Variants in TRAK1 observed in about 807,000 individuals in gnomAD.
TRAK1 encodes trafficking kinesin protein 1.
TRAK1 carries 33 observed loss-of-function variants against 92.1 expected under a neutral mutation model. The ratio of observed to expected loss-of-function variants is 0.36; its 90% CI spans 0.27 to 0.48. TRAK1 has a LOEUF of 0.48. Ranked by LOEUF, TRAK1 falls within the 20% of genes least tolerant of loss-of-function variation. The pLI is 0.99. For synonymous variants in TRAK1, 521 were observed against 517.3 expected (o/e 1.01, Z -0.10); for missense variants, 1,123 against 1,257.9 (o/e 0.89, Z 1.62).
At chr3:42,040,430 A>G (rs190459163) in intron 1 of TRAK1, among the ~76,000 whole-genome samples, 44 of 152,298 alleles carry the variant, frequency 2.9e-4, no homozygotes, top group Non-Finnish European at 5.3e-4. Flanking sequence ...GGTTTGTGAT[A>G]CATTTTGAGT....
intron 2 of TRAK1, chr3:42,146,258 C>A: frequency 3.3e-6 from 1 of 303,010 alleles, no homozygotes; most frequent in Non-Finnish European, 6.8e-6. Flanking sequence ...TGATGAAAAG[C>A]AATATTGCCG....
chr3:42,054,347 C>T (rs1158072205), intron 1 of TRAK1, among the ~76,000 whole-genome samples: 1 of 152,168 alleles, frequency 6.6e-6, no homozygotes. Context: ...GTGCCCCAGC[C>T]TGGTAGGCAG....
chr3:42,175,177 T>C (rs931613994), intron 2 of TRAK1, among the ~76,000 whole-genome samples: 2 of 152,072 alleles, frequency 1.3e-5, no homozygotes, highest in Non-Finnish European at 2.9e-5. Context: ...CAGAGACCAC[T>C]TAGTTGCTGT....
chr3:42,064,788 C>T (rs1272405840), intron 1 of TRAK1, among the ~76,000 whole-genome samples: 1 of 151,936 alleles, frequency 6.6e-6, no homozygotes, highest in African/African-American at 2.4e-5. Context: ...CATGGTGGCT[C>T]ACACCTGTAA....
chr3:42,169,175 C>G (rs1030951036), intron 2 of TRAK1, among the ~76,000 whole-genome samples: 1 of 150,454 alleles, frequency 6.6e-6, no homozygotes, highest in Admixed American at 6.6e-5. Context: ...CTATCTATCT[C>G]TATAATTTTC....
chr3:42,120,213 G>C (rs995879465), intron 1 of TRAK1, among the ~76,000 whole-genome samples: 1 of 152,136 alleles, frequency 6.6e-6, no homozygotes, highest in African/African-American at 2.4e-5. Context: ...CAGGCTGGGG[G>C]TTGGTGGGAT....
chr3:42,130,674 T>G (rs1324564179), intron 2 of TRAK1, among the ~76,000 whole-genome samples: 2 of 152,106 alleles, frequency 1.3e-5, no homozygotes, highest in Non-Finnish European at 2.9e-5. Context: ...TTCGGTGCCA[T>G]CCTACCCTGA....
chr3:42,119,779 G>A (rs747389676), intron 1 of TRAK1, among the ~76,000 whole-genome samples: 1 of 152,176 alleles, frequency 6.6e-6, no homozygotes, highest in African/African-American at 2.4e-5. Flanking sequence ...GTTTTTAGCT[G>A]GTTGGCCGTG....
At chr3:42,105,696 C>T (rs763772585) in intron 1 of TRAK1, among the ~76,000 whole-genome samples, 1 of 152,090 alleles carries the variant, frequency 6.6e-6, no homozygotes, top group African/African-American at 2.4e-5. Flanking sequence ...TCAAGAAGAA[C>T]AACCCCAAGA....
chr3:42,139,356 G>C (rs1029319313), intron 2 of TRAK1, among the ~76,000 whole-genome samples: 2 of 152,154 alleles, frequency 1.3e-5, no homozygotes, highest in African/African-American at 4.8e-5. Flanking sequence ...AGGATCAAAG[G>C]TAGAAGCAGA....
chr3:42,172,283 G>A (rs1316825466), intron 2 of TRAK1, among the ~76,000 whole-genome samples: 1 of 152,118 alleles, frequency 6.6e-6, no homozygotes, highest in African/African-American at 2.4e-5. Flanking sequence ...TTTCTTGGGG[G>A]CACCGCATCT....
intron 2 of TRAK1, among the ~76,000 whole-genome samples, chr3:42,131,630 A>C (rs1053898422): frequency 2.0e-5 from 3 of 152,018 alleles, no homozygotes; most frequent in African/African-American, 7.3e-5. Context: ...AGACAGGAGA[A>C]TCTCTTGAAC....
At chr3:42,212,240 G>A (rs1709135475) in intron 14 of TRAK1, 11 of 985,438 alleles carry the variant, frequency 1.1e-5, no homozygotes, top group South Asian at 4.7e-5. Flanking sequence ...TGTATCCATG[G>A]TGGTCTGGTC....
chr3:42,167,166 C>G (rs1281435757), intron 2 of TRAK1, among the ~76,000 whole-genome samples: 1 of 152,218 alleles, frequency 6.6e-6, no homozygotes. Context: ...GATAGACTCA[C>G]CAGGACTCAT....
chr3:42,094,439 C>T (rs1472950707), intron 1 of TRAK1, among the ~76,000 whole-genome samples: 1 of 152,122 alleles, frequency 6.6e-6, no homozygotes, highest in Non-Finnish European at 1.5e-5. Flanking sequence ...TGGTGCAGTG[C>T]AGTCATGGTG....
chr3:42,222,249 A>G (rs572717681), intron 15 of TRAK1, among the ~76,000 whole-genome samples: 97 of 151,114 alleles, frequency 6.4e-4, no homozygotes, highest in African/African-American at 2.3e-3. Context: ...AGATCTCTTC[A>G]TATGTGACAT....
chr3:42,215,348 A>C (rs1033337462), intron 14 of TRAK1, among the ~76,000 whole-genome samples: 1 of 152,236 alleles, frequency 6.6e-6, no homozygotes, highest in Non-Finnish European at 1.5e-5. Context: ...CAACAAAGTC[A>C]TTAGAAGCTG....
intron 1 of TRAK1, among the ~76,000 whole-genome samples, chr3:42,075,387 G>T (rs978002267): frequency 6.7e-6 from 1 of 148,836 alleles, no homozygotes; most frequent in Admixed American, 6.7e-5. Context: ...TTACTATGTT[G>T]CCCAGGCTGG....
intron 10 of TRAK1, among the ~76,000 whole-genome samples, chr3:42,197,242 A>G: frequency 6.6e-6 from 1 of 151,974 alleles, no homozygotes; most frequent in African/African-American, 2.4e-5. Context: ...TCTGAGGGGG[A>G]TTGGTTCCAG....
Sources: gnomAD v4.1 joint callset for allele counts (sites outside exome capture counted in the v4.1 genomes callset) on GRCh38, gnomAD v4.1.1 for gene constraint, MANE v1.5 for transcripts, NCBI Gene and HGNC (gene_info 2026-07-23, HGNC 2026-07-21) for gene names.